The following UBE2E2 variants were observed in gnomAD, a reference collection of about 807,000 sequenced individuals.
UBE2E2 encodes ubiquitin-conjugating enzyme E2 E2.
A neutral mutation model predicts 24.7 loss-of-function variants in UBE2E2; 6 were observed. The observed-to-expected ratio is 0.24, with a 90% CI of 0.13 to 0.48. The LOEUF (loss-of-function observed/expected upper bound fraction) is 0.48, where lower values mean the gene tolerates loss of function less well. UBE2E2 is among the 20% of genes least tolerant of loss of function. The pLI is 0.99. For missense variants in UBE2E2, 169 were observed against 245.0 expected (o/e 0.69, Z 2.07); for synonymous variants, 104 against 83.6 (o/e 1.24, Z -1.33).
intron 5 of UBE2E2, among the ~76,000 whole-genome samples, chr3:23,569,957 CTA>C (rs1211780430): frequency 6.6e-6 from 1 of 152,120 alleles, no homozygotes; most frequent in African/African-American, 2.4e-5. Context: ...CTGCCTTAGG[CTA>C]TGTTTTGTGG....
chr3:23,310,323 T>C (rs1694341123), intron 3 of UBE2E2, among the ~76,000 whole-genome samples: 1 of 139,796 alleles, frequency 7.2e-6, no homozygotes, highest in Non-Finnish European at 1.6e-5. Context: ...TTACAAAAAT[T>C]CTGCTAATTT....
chr3:23,423,633 A>G (rs1697855241), intron 3 of UBE2E2, among the ~76,000 whole-genome samples: 1 of 152,190 alleles, frequency 6.6e-6, no homozygotes, highest in African/African-American at 2.4e-5. Context: ...TAATGCTTGC[A>G]TGTCCAGTGC....
chr3:23,573,935 T>C (rs914010021), intron 5 of UBE2E2, among the ~76,000 whole-genome samples: 1 of 152,174 alleles, frequency 6.6e-6, no homozygotes, highest in Non-Finnish European at 1.5e-5. Flanking sequence ...CACACTGTCA[T>C]TGAAACAATT....
chr3:23,535,618 C>CTTTTTTTTTTT (rs67901258), intron 5 of UBE2E2, among the ~76,000 whole-genome samples: 1 of 86,028 alleles, frequency 1.2e-5, no homozygotes, highest in African/African-American at 4.7e-5. Flanking sequence ...ATAGAGCATT[C>CTTTTTTTTTTT]TTTTTTTTTT....
At chr3:23,487,368 G>T (rs751856653) in intron 3 of UBE2E2, among the ~76,000 whole-genome samples, 3 of 152,108 alleles carry the variant, frequency 2.0e-5, no homozygotes, top group Non-Finnish European at 2.9e-5. Context: ...CTGCAGCTGC[G>T]CCTAGAAGTG....
intron 5 of UBE2E2, among the ~76,000 whole-genome samples, chr3:23,534,463 G>A (rs970063695): frequency 8.6e-5 from 13 of 151,940 alleles, no homozygotes; most frequent in African/African-American, 2.9e-4. Context: ...GTAAGAACAA[G>A]CCTAAAAATA....
chr3:23,526,585 TGAA>T (rs2125480192), intron 4 of UBE2E2, among the ~76,000 whole-genome samples: 1 of 152,076 alleles, frequency 6.6e-6, no homozygotes, highest in African/African-American at 2.4e-5. Flanking sequence ...AGTATAGTAT[TGAA>T]GTAGGAATAT....
intron 3 of UBE2E2, among the ~76,000 whole-genome samples, chr3:23,374,136 C>A (rs559837392): frequency 6.6e-6 from 1 of 152,018 alleles, no homozygotes; most frequent in Non-Finnish European, 1.5e-5. Context: ...AATACTTAAA[C>A]GTTTCAATTA....
At chr3:23,441,610 G>A (rs1228480015) in intron 3 of UBE2E2, among the ~76,000 whole-genome samples, 1 of 151,470 alleles carries the variant, frequency 6.6e-6, no homozygotes, top group Non-Finnish European at 1.5e-5. Flanking sequence ...CTGAAGCACA[G>A]ACTTTGTTAG....
chr3:23,296,446 C>T (rs1359204885), intron 3 of UBE2E2, among the ~76,000 whole-genome samples: 3 of 152,092 alleles, frequency 2.0e-5, no homozygotes, highest in African/African-American at 7.2e-5. Context: ...GGTATATCTC[C>T]TAATGCTATC....
intron 3 of UBE2E2, among the ~76,000 whole-genome samples, chr3:23,497,119 C>T (rs1699618077): frequency 6.6e-6 from 1 of 152,132 alleles, no homozygotes; most frequent in African/African-American, 2.4e-5. Flanking sequence ...CATCTGTTTA[C>T]AAGGTGAAAT....
At chr3:23,267,224 T>A in intron 3 of UBE2E2, among the ~76,000 whole-genome samples, 1 of 150,326 alleles carries the variant, frequency 6.7e-6, no homozygotes, top group East Asian at 1.9e-4. Flanking sequence ...CTGAAGGAAA[T>A]AGAGACACAA....
chr3:23,559,212 G>C (rs1695862218), intron 5 of UBE2E2, among the ~76,000 whole-genome samples: 1 of 152,098 alleles, frequency 6.6e-6, no homozygotes, highest in African/African-American at 2.4e-5. Flanking sequence ...CTTATAACTT[G>C]ATTACAAATT....
At chr3:23,298,519 G>T (rs1575542565) in intron 3 of UBE2E2, among the ~76,000 whole-genome samples, 1 of 152,026 alleles carries the variant, frequency 6.6e-6, no homozygotes, top group Non-Finnish European at 1.5e-5. Flanking sequence ...TTTTGTCAAA[G>T]GCCTTTTCTG....
intron 3 of UBE2E2, among the ~76,000 whole-genome samples, chr3:23,350,723 A>G (rs1394071619): frequency 6.6e-6 from 1 of 152,226 alleles, no homozygotes; most frequent in Non-Finnish European, 1.5e-5. Context: ...CCTCCAAGAA[A>G]TATGGGACTA....
intron 5 of UBE2E2, among the ~76,000 whole-genome samples, chr3:23,575,210 C>G (rs1315283503): frequency 6.6e-6 from 1 of 152,096 alleles, no homozygotes; most frequent in African/African-American, 2.4e-5. Context: ...TTTTTAGTCC[C>G]AAGTTACATT....
intron 3 of UBE2E2, among the ~76,000 whole-genome samples, chr3:23,331,051 T>G (rs1247837457): frequency 1.3e-5 from 2 of 152,234 alleles, no homozygotes; most frequent in Non-Finnish European, 2.9e-5. Flanking sequence ...TCATTTTCTT[T>G]CAACCTATTT....
At chr3:23,331,799 A>T (rs997520724) in intron 3 of UBE2E2, among the ~76,000 whole-genome samples, 6 of 152,196 alleles carry the variant, frequency 3.9e-5, no homozygotes, top group Non-Finnish European at 7.4e-5. Context: ...TTTATGTGAG[A>T]TGAGAAATCA....
chr3:23,504,053 T>G (rs1694373490), intron 4 of UBE2E2, among the ~76,000 whole-genome samples: 1 of 152,208 alleles, frequency 6.6e-6, no homozygotes, highest in African/African-American at 2.4e-5. Flanking sequence ...ATTCATGCCA[T>G]TTAGGTATAT....
Sources: allele counts gnomAD v4.1 joint callset (sites outside exome capture counted in the v4.1 genomes callset), GRCh38; gene constraint gnomAD v4.1.1; transcripts MANE v1.5; gene names NCBI Gene and HGNC (gene_info 2026-07-23, HGNC 2026-07-21).